The following ARHGEF11 variants were observed in gnomAD, a reference collection of about 807,000 sequenced individuals.
ARHGEF11 encodes the protein Rho guanine exchange factor (GEF) 11.
ARHGEF11 carries 55 observed loss-of-function variants against 193.7 expected under a neutral mutation model. The observed-to-expected ratio is 0.28, with a 90% CI of 0.23 to 0.36. ARHGEF11 has a LOEUF of 0.36. ARHGEF11 is among the 10% of genes least tolerant of loss of function. ARHGEF11 has a pLI of 1.00. For synonymous variants in ARHGEF11, 693 were observed against 768.0 expected (o/e 0.90, Z 1.62); for missense variants, 1,723 against 2,005.6 (o/e 0.86, Z 2.69).
chr1:156,937,797 T>A (rs1571120654), intron 38 of ARHGEF11, among the ~76,000 whole-genome samples: 2 of 152,184 alleles, frequency 1.3e-5, no homozygotes, highest in Admixed American at 1.3e-4. Flanking sequence ...TGGCTCCCCC[T>A]CCTTGAGTAA....
intron 5 of ARHGEF11, 121 bp downstream of exon 5, chr1:156,979,108 G>C: frequency 2.3e-6 from 2 of 865,332 alleles, no homozygotes; most frequent in South Asian, 2.9e-5. Flanking sequence ...TGTGACTTTA[G>C]CTGCCTCACA....
chr1:157,036,532 G>C (rs1409336503), intron 1 of ARHGEF11, among the ~76,000 whole-genome samples: 1 of 151,968 alleles, frequency 6.6e-6, no homozygotes. Context: ...ATGTTGGCCA[G>C]GCTGGTCTCA....
At position 156,938,562 on chromosome 1, in the gene ARHGEF11, G is replaced by GA. The variant is rs1406782228; in HGVS notation, c.4097-50dup. ...GGAAGAGGAGAGACCAAAACACAAG[G>GA]AAAGGGAAGGGAGAGAGAACAGGAA... On this transcript the variant is annotated intron_variant, in intron 37 of 40. Coordinates refer to ENST00000368194, the MANE Select transcript of ARHGEF11 (RefSeq NM_198236.3). 5 of 1,570,086 alleles carry GA rather than the reference G, an allele frequency of 3.2e-6. No individual in the cohort carries two copies. The African/African-American group carries it at 5.4e-5, about 17-fold the overall frequency.
intron 3 of ARHGEF11, among the ~76,000 whole-genome samples, chr1:156,982,467 T>C (rs1664320122): frequency 6.6e-6 from 1 of 152,178 alleles, no homozygotes; most frequent in Non-Finnish European, 1.5e-5. Context: ...ACCGCTGCTT[T>C]GTTACTCTTG....
intron 1 of ARHGEF11, among the ~76,000 whole-genome samples, chr1:157,010,982 AT>A (rs1007222267): frequency 1.3e-5 from 2 of 151,914 alleles, no homozygotes; most frequent in Non-Finnish European, 2.9e-5. Flanking sequence ...TAAAATCTCA[AT>A]TTTTTTTGAA....
Position 156,948,039 on chromosome 1 carries a change from G to A in ARHGEF11, c.2154-83C>T. The A allele has an allele frequency of 6.4e-7, 1 of 1,556,576 alleles. No individual in the cohort carries two copies. Among genetic ancestry groups the A allele is most frequent in the Non-Finnish European group, 8.7e-7 (1 of 1,144,664 alleles). ...TGGCCCTCCCTCTCCTGCCCGACCT[G>A]CTTGCCCCATGCACATGGGAAACCA... On this transcript the variant is annotated intron_variant, in intron 24 of 40. Coordinates refer to ENST00000368194, the MANE Select transcript of ARHGEF11 (RefSeq NM_198236.3). This position sits in a 1 kb window ranked among gnomAD's most constrained non-coding sequence, Gnocchi z 4.2.
At chr1:156,945,665 T>C (rs1557833378) in intron 29 of ARHGEF11, 2 of 245,216 alleles carry the variant, frequency 8.2e-6, no homozygotes, top group South Asian at 1.3e-4. Context: ...GCCCCTCTAG[T>C]GTAACCACAT....
chr1:156,964,999 T>C (rs946542326), intron 11 of ARHGEF11, among the ~76,000 whole-genome samples: 20 of 152,352 alleles, frequency 1.3e-4, no homozygotes, highest in Admixed American at 9.2e-4. Flanking sequence ...TCAAATGTTA[T>C]AGAATGACAT....
At chr1:156,961,026 A>G (rs1274971979) in intron 14 of ARHGEF11, among the ~76,000 whole-genome samples, 2 of 152,198 alleles carry the variant, frequency 1.3e-5, no homozygotes, top group Non-Finnish European at 2.9e-5. Context: ...CTTAAGAAAA[A>G]CCAATTTTCT....
chr1:157,018,311 T>C (rs1454215175), intron 1 of ARHGEF11, among the ~76,000 whole-genome samples: 1 of 152,146 alleles, frequency 6.6e-6, no homozygotes, highest in Non-Finnish European at 1.5e-5. Context: ...AAGGCACTTT[T>C]ACAGAAACTG....
At chr1:157,027,494 T>C (rs1191617010) in intron 1 of ARHGEF11, among the ~76,000 whole-genome samples, 1 of 152,098 alleles carries the variant, frequency 6.6e-6, no homozygotes, top group Non-Finnish European at 1.5e-5. Flanking sequence ...GGGACCTACA[T>C]GGTGAGAGCT....
chr1:156,968,518 C>T (rs983483287), intron 10 of ARHGEF11, among the ~76,000 whole-genome samples: 11 of 151,034 alleles, frequency 7.3e-5, no homozygotes, highest in African/African-American at 2.7e-4. Flanking sequence ...GGATCCCTGT[C>T]CCACTCCACT....
At chr1:156,974,168 A>C (rs1015215388) in intron 7 of ARHGEF11, among the ~76,000 whole-genome samples, 2 of 152,104 alleles carry the variant, frequency 1.3e-5, no homozygotes, top group Non-Finnish European at 2.9e-5. Context: ...CCTGGGCTTA[A>C]GCGGTCCTCC....
chr1:156,970,183 G>T (rs1662313651), intron 8 of ARHGEF11, 140 bp from the exon 9 acceptor site: 1 of 674,740 alleles, frequency 1.5e-6, no homozygotes, highest in Non-Finnish European at 2.6e-6. Context: ...AGCTAGAAGA[G>T]ATATTGCTTC....
At chr1:157,029,077 T>C (rs572357386) in intron 1 of ARHGEF11, among the ~76,000 whole-genome samples, 13 of 148,826 alleles carry the variant, frequency 8.7e-5, no homozygotes, top group African/African-American at 3.0e-4. Context: ...TAAGGTGGGA[T>C]GGTCACCTGA....
At chr1:156,980,189 T>C (rs892383423) in intron 4 of ARHGEF11, among the ~76,000 whole-genome samples, 8 of 152,194 alleles carry the variant, frequency 5.3e-5, no homozygotes, top group African/African-American at 9.7e-5. Context: ...ATAAGAATAA[T>C]AAAACTTGTT....
intron 20 of ARHGEF11, 67 bp downstream of exon 20, chr1:156,955,636 T>C: frequency 7.9e-7 from 1 of 1,258,272 alleles, no homozygotes; most frequent in Non-Finnish European, 1.2e-6. Flanking sequence ...GCCAACATAC[T>C]GGTACATGAA....
At position 156,942,047 on chromosome 1, in the gene ARHGEF11, AC is replaced by A. The variant is rs1191761529; in HGVS notation, c.3327-59del. ...TGAGAGCAAGATAGCAGCACGCACCACCCCGTACTGAGCCCACTGGAACAGG... is the reference window on the plus strand; with the variant it reads ...TGAGAGCAAGATAGCAGCACGCACCACCCGTACTGAGCCCACTGGAACAGG... On this transcript the variant is annotated intron_variant, in intron 33 of 40. Coordinates refer to ENST00000368194, the MANE Select transcript of ARHGEF11 (RefSeq NM_198236.3). 6 of 1,611,204 alleles carry A rather than the reference AC, an allele frequency of 3.7e-6. No homozygotes were observed. The Admixed American group carries it at 6.7e-5, about 18-fold the overall frequency.
At chr1:157,041,539 T>C (rs1375558752) in intron 1 of ARHGEF11, among the ~76,000 whole-genome samples, 1 of 152,234 alleles carries the variant, frequency 6.6e-6, no homozygotes, top group Non-Finnish European at 1.5e-5. Flanking sequence ...TATTATGTCA[T>C]TTATTTTCTA....
Sources: allele counts gnomAD v4.1 joint callset (sites outside exome capture counted in the v4.1 genomes callset), GRCh38; gene constraint gnomAD v4.1.1; non-coding constraint Gnocchi (gnomAD v3.1); transcripts MANE v1.5; gene names NCBI Gene and HGNC (gene_info 2026-07-23, HGNC 2026-07-21).